APBB2: variants seen among roughly 807,000 people sequenced by gnomAD.
APBB2 encodes the protein Fe65-like 1.
In APBB2, 38 loss-of-function variants were observed where a neutral mutation model predicts 82.5. The observed-to-expected ratio is 0.46, with a 90% CI of 0.36 to 0.60. APBB2 has a LOEUF of 0.60. Among genes scored for constraint, APBB2 ranks in the 20% least tolerant of loss-of-function variants. The pLI is 0.00. For synonymous variants in APBB2, 341 were observed against 368.2 expected (o/e 0.93, Z 0.85); for missense variants, 772 against 972.3 (o/e 0.79, Z 2.74).
chr4:41,139,588 T>TA (rs1478811652), intron 2 of APBB2, among the ~76,000 whole-genome samples: 2 of 152,004 alleles, frequency 1.3e-5, no homozygotes, highest in Non-Finnish European at 2.9e-5. Context: ...TTCAGTGCTT[T>TA]AAAAAAAATG....
intron 2 of APBB2, among the ~76,000 whole-genome samples, chr4:41,113,433 A>T (rs1749902556): frequency 6.6e-6 from 1 of 152,170 alleles, no homozygotes; most frequent in Admixed American, 6.5e-5. Flanking sequence ...AACAGGGACA[A>T]TTTGACTAAA....
At chr4:40,951,610 T>A (rs1311635070) in intron 6 of APBB2, among the ~76,000 whole-genome samples, 2 of 152,232 alleles carry the variant, frequency 1.3e-5, no homozygotes, top group Non-Finnish European at 2.9e-5. Context: ...CTTGGACAAG[T>A]TCCTCAACCT....
intron 12 of APBB2, among the ~76,000 whole-genome samples, chr4:40,874,520 G>A (rs890012977): frequency 1.3e-5 from 2 of 152,112 alleles, no homozygotes; most frequent in African/African-American, 4.8e-5. Context: ...GGGCAGGGCG[G>A]GGGGTGGAGA....
At chr4:41,075,817 C>A (rs1229619503) in intron 3 of APBB2, among the ~76,000 whole-genome samples, 1 of 152,168 alleles carries the variant, frequency 6.6e-6, no homozygotes, top group Non-Finnish European at 1.5e-5. Flanking sequence ...CTCAAACCAA[C>A]AAAACAGTAT....
intron 4 of APBB2, among the ~76,000 whole-genome samples, chr4:41,057,583 A>C (rs1448110308): frequency 2.6e-5 from 4 of 152,254 alleles, no homozygotes; most frequent in African/African-American, 9.6e-5. Context: ...ACTCTGAAAT[A>C]AATATGCCAA....
Position 40,811,520 on chromosome 4 carries a change from C to CCAGCGTAGGCGA in APBB2, c.*4571_*4572insTCGCCTACGCTG, listed in dbSNP as rs148066166. On this transcript the variant is annotated 3_prime_UTR_variant, in exon 18 of 18. Transcript: ENST00000508593. ...TGAGCTGAAATTACACCACTGCACTCCAGAGTAAGACTCCTCTGTCTGAAG... is the reference window on the plus strand; with the variant it reads ...TGAGCTGAAATTACACCACTGCACTCCAGCGTAGGCGACAGAGTAAGACTCCTCTGTCTGAAG... 1.3e-5 allele frequency: 2 copies of CCAGCGTAGGCGA among 149,626 alleles called. No individual in the cohort carries two copies. The highest frequency in any genetic ancestry group is 2.5e-5 in the African/African-American group (1 of 40,536). 9.3% of individuals were successfully genotyped at this position (149,626 alleles called of 1,614,324 possible).
intron 4 of APBB2, among the ~76,000 whole-genome samples, chr4:41,044,432 C>A (rs990704609): frequency 1.3e-5 from 2 of 152,112 alleles, no homozygotes; most frequent in Non-Finnish European, 2.9e-5. Flanking sequence ...TCCTTGTTAC[C>A]TATTTATTAT....
intron 17 of APBB2, among the ~76,000 whole-genome samples, chr4:40,818,151 G>A (rs1214922238): frequency 6.6e-6 from 1 of 152,178 alleles, no homozygotes; most frequent in Non-Finnish European, 1.5e-5. Flanking sequence ...TATTCACATG[G>A]TATAAATTCA....
At chr4:41,034,877 A>G (rs16852756) in intron 4 of APBB2, among the ~76,000 whole-genome samples, 5,711 of 152,352 alleles carry the variant, frequency 0.037, 202 homozygotes, top group African/African-American at 0.097. Context: ...CTTATTTTCA[A>G]TGAGTTGCCA....
At chr4:41,157,539 T>G (rs1273933183) in intron 1 of APBB2, among the ~76,000 whole-genome samples, 5 of 152,116 alleles carry the variant, frequency 3.3e-5, no homozygotes, top group Non-Finnish European at 5.9e-5. Flanking sequence ...AATTGTAAAT[T>G]TGCTTCACCA....
chr4:41,152,347 G>A (rs1762472738), intron 1 of APBB2, among the ~76,000 whole-genome samples: 1 of 150,026 alleles, frequency 6.7e-6, no homozygotes, highest in South Asian at 2.1e-4. Context: ...TCTTGAGATG[G>A]AGTCTCACTC....
At position 40,945,089 on chromosome 4, in the gene APBB2, GC is replaced by G; in HGVS notation, c.836-17del. 7.4e-6 allele frequency: 7 copies of G among 940,672 alleles called. No individual in the cohort carries two copies. Among genetic ancestry groups the G allele is most frequent in the East Asian group, 4.1e-5 (1 of 24,518 alleles). The allele number at this position is 940,672 out of a possible 1,614,324, so 58.3% of individuals were successfully genotyped here. ...CATATATCTGCTGAAAAATTGGGGG[GC>G]GGGGCGGGGGGAGAAAGAGAGAATT... On this transcript the variant is annotated splice_polypyrimidine_tract_variant and intron_variant, in intron 6 of 17. Transcript: ENST00000508593.
At chr4:41,139,761 G>A (rs995728898) in intron 2 of APBB2, among the ~76,000 whole-genome samples, 1 of 152,164 alleles carries the variant, frequency 6.6e-6, no homozygotes, top group Non-Finnish European at 1.5e-5. Flanking sequence ...GGTTCAGGAA[G>A]AAGAAATGAA....
intron 1 of APBB2, among the ~76,000 whole-genome samples, chr4:41,195,249 G>T: frequency 6.6e-6 from 1 of 152,100 alleles, no homozygotes; most frequent in African/African-American, 2.4e-5. Flanking sequence ...CACCTCAAAT[G>T]ATGGTATCCA....
intron 5 of APBB2, among the ~76,000 whole-genome samples, chr4:41,030,049 G>A (rs544142957): frequency 3.3e-5 from 5 of 152,196 alleles, no homozygotes; most frequent in African/African-American, 7.2e-5. Context: ...CCAGCTACTC[G>A]GGAGGCTGAG....
intron 6 of APBB2, among the ~76,000 whole-genome samples, chr4:40,945,891 A>G (rs1788247011): frequency 6.6e-6 from 1 of 152,230 alleles, no homozygotes; most frequent in African/African-American, 2.4e-5. Flanking sequence ...TACAGGCGTG[A>G]GCCACTGTGC....
chr4:41,148,726 G>A (rs1761455169), intron 1 of APBB2, among the ~76,000 whole-genome samples: 1 of 152,192 alleles, frequency 6.6e-6, no homozygotes, highest in Non-Finnish European at 1.5e-5. Flanking sequence ...AGTGAAAAGT[G>A]ATAGTGTCAT....
At chr4:41,059,699 A>G (rs1729101512) in intron 4 of APBB2, among the ~76,000 whole-genome samples, 1 of 152,236 alleles carries the variant, frequency 6.6e-6, no homozygotes, top group Non-Finnish European at 1.5e-5. Flanking sequence ...TGATACTTTT[A>G]GTTAATTTAT....
At chr4:40,843,567 T>A (rs1042590197) in intron 12 of APBB2, among the ~76,000 whole-genome samples, 1 of 152,258 alleles carries the variant, frequency 6.6e-6, no homozygotes, top group Non-Finnish European at 1.5e-5. Context: ...AAGAGGATTA[T>A]GGAGGATTTT....
Sources: gnomAD v4.1 joint callset for allele counts (sites outside exome capture counted in the v4.1 genomes callset) on GRCh38, gnomAD v4.1.1 for gene constraint, MANE v1.5 for transcripts, NCBI Gene and HGNC (gene_info 2026-07-23, HGNC 2026-07-21) for gene names.